Variants in CPNE8 observed in about 807,000 individuals in gnomAD.
The protein encoded by CPNE8 is copine-8.
In CPNE8, 45 loss-of-function variants were observed where a neutral mutation model predicts 81.5. That is an observed-to-expected ratio of 0.55 (90% confidence interval 0.44 to 0.71). The LOEUF (loss-of-function observed/expected upper bound fraction) is 0.71. Among genes scored for constraint, CPNE8 ranks in the 30% least tolerant of loss-of-function variants. The pLI, the probability that CPNE8 is intolerant of heterozygous loss-of-function variation, is 0.00. For synonymous variants in CPNE8, 252 were observed against 226.3 expected (o/e 1.11, Z -1.02); for missense variants, 594 against 672.1 (o/e 0.88, Z 1.28).
At chr12:38,688,230 CTT>C (rs1214573646) in intron 15 of CPNE8, among the ~76,000 whole-genome samples, 15 of 152,078 alleles carry the variant, frequency 9.9e-5, no homozygotes, top group African/African-American at 3.1e-4. Flanking sequence ...CCATTTTTCT[CTT>C]CTTTGAGAAT....
chr12:38,708,448 C>T (rs1227194526), intron 13 of CPNE8, among the ~76,000 whole-genome samples: 4 of 151,906 alleles, frequency 2.6e-5, no homozygotes, highest in African/African-American at 4.8e-5. Context: ...TTTAAATCCT[C>T]GAAACATTTT....
At chr12:38,879,217 G>A (rs1944112789) in intron 1 of CPNE8, among the ~76,000 whole-genome samples, 1 of 152,168 alleles carries the variant, frequency 6.6e-6, no homozygotes. Flanking sequence ...CAGCGGGGAG[G>A]AGCCTGGCCA....
intron 6 of CPNE8, among the ~76,000 whole-genome samples, chr12:38,811,218 T>TAA (rs139617113): frequency 1.9e-4 from 29 of 150,596 alleles, no homozygotes; most frequent in Non-Finnish European, 3.5e-4. Context: ...ATTGCGTATA[T>TAA]AAAAAAAAAC....
chr12:38,805,712 A>G (rs1036023165), intron 6 of CPNE8, among the ~76,000 whole-genome samples: 2 of 148,200 alleles, frequency 1.3e-5, no homozygotes, highest in African/African-American at 4.9e-5. Flanking sequence ...AGCAAGAGCA[A>G]ACACATTCAA....
chr12:38,829,898 C>T (rs1257418578), intron 5 of CPNE8, among the ~76,000 whole-genome samples: 1 of 152,192 alleles, frequency 6.6e-6, no homozygotes, highest in Non-Finnish European at 1.5e-5. Flanking sequence ...CTAGGGTCCA[C>T]AGCCAACCTG....
At position 38,686,081 on chromosome 12, in the gene CPNE8, G is replaced by T. The variant is rs1471738590; in HGVS notation, c.1144-464C>A. Among the ~76,000 whole-genome samples, 3 of 152,176 alleles carry T rather than the reference G, an allele frequency of 2.0e-5. No individual in the cohort carries two copies. In the South Asian group the frequency reaches 6.2e-4, roughly 32 times the overall value. ...TATTCTCTATTTTTCCAATTTTTCT[G>T]CAGTGAACATGTATTAAAATTAGAA... On this transcript the variant is annotated intron_variant, in intron 15 of 19. Transcript: ENST00000331366.
At chr12:38,679,508 T>C (rs1335664892) in intron 16 of CPNE8, 1 of 742,612 alleles carries the variant, frequency 1.3e-6, no homozygotes, top group African/African-American at 1.9e-5. Context: ...ATTAAAGCTG[T>C]AGAAAGTTGC....
intron 1 of CPNE8, among the ~76,000 whole-genome samples, chr12:38,878,977 A>G (rs1337484671): frequency 6.6e-6 from 1 of 152,232 alleles, no homozygotes; most frequent in Non-Finnish European, 1.5e-5. Context: ...AAATTGATTC[A>G]GCTACGACAA....
chr12:38,856,959 C>G (rs1178198405), intron 3 of CPNE8, among the ~76,000 whole-genome samples: 1 of 151,428 alleles, frequency 6.6e-6, no homozygotes, highest in Non-Finnish European at 1.5e-5. Flanking sequence ...CTATGAGTAT[C>G]AGGGTTTTTT....
chr12:38,794,604 C>G (rs537115495), intron 6 of CPNE8, among the ~76,000 whole-genome samples: 1 of 151,532 alleles, frequency 6.6e-6, no homozygotes, highest in Non-Finnish European at 1.5e-5. Context: ...AATTAAATAT[C>G]ACCTCATAGC....
chr12:38,769,752 G>C (rs1941763616), intron 7 of CPNE8, among the ~76,000 whole-genome samples: 1 of 151,954 alleles, frequency 6.6e-6, no homozygotes, highest in South Asian at 2.1e-4. Flanking sequence ...AAACATCAGA[G>C]GTGTATTATT....
chr12:38,790,729 T>G (rs1172087554), intron 6 of CPNE8, among the ~76,000 whole-genome samples: 1 of 151,628 alleles, frequency 6.6e-6, no homozygotes, highest in Non-Finnish European at 1.5e-5. Flanking sequence ...TATATACCAC[T>G]ATGTACCCAC....
chr12:38,722,491 C>T (rs1940590594), intron 13 of CPNE8, among the ~76,000 whole-genome samples: 1 of 152,174 alleles, frequency 6.6e-6, no homozygotes, highest in Non-Finnish European at 1.5e-5. Flanking sequence ...GGTCCCCCCA[C>T]TCCCTCAACC....
chr12:38,903,348 ATCTT>A (rs765950380), intron 1 of CPNE8, among the ~76,000 whole-genome samples: 5 of 152,146 alleles, frequency 3.3e-5, no homozygotes, highest in African/African-American at 7.2e-5. Flanking sequence ...CCTGTTAGAA[ATCTT>A]AAAAATTAAA....
chr12:38,879,010 C>G (rs1944108359), intron 1 of CPNE8, among the ~76,000 whole-genome samples: 1 of 152,122 alleles, frequency 6.6e-6, no homozygotes, highest in African/African-American at 2.4e-5. Context: ...AAGCCAGGTA[C>G]AGTAATTAGT....
intron 1 of CPNE8, among the ~76,000 whole-genome samples, chr12:38,875,403 G>A (rs1450707731): frequency 6.6e-6 from 1 of 152,168 alleles, no homozygotes; most frequent in South Asian, 2.1e-4. Context: ...ATGATGACTT[G>A]AGGGTTCTAA....
chr12:38,884,367 T>C (rs145544870), intron 1 of CPNE8, among the ~76,000 whole-genome samples: 18 of 152,374 alleles, frequency 1.2e-4, no homozygotes, highest in African/African-American at 4.3e-4. Flanking sequence ...TTGTAGTATC[T>C]GTCAGTACTT....
intron 19 of CPNE8, among the ~76,000 whole-genome samples, chr12:38,654,932 T>C (rs1183108521): frequency 6.6e-6 from 1 of 152,204 alleles, no homozygotes; most frequent in Non-Finnish European, 1.5e-5. Context: ...GCATGGACTA[T>C]GAATATAGAA....
intron 1 of CPNE8, among the ~76,000 whole-genome samples, chr12:38,878,359 C>G (rs968394483): frequency 6.6e-6 from 1 of 152,062 alleles, no homozygotes; most frequent in African/African-American, 2.4e-5. Flanking sequence ...GTGTATTTTG[C>G]GTGAAATGTA....
Sources: gnomAD v4.1 joint callset for allele counts (sites outside exome capture counted in the v4.1 genomes callset) on GRCh38, gnomAD v4.1.1 for gene constraint, MANE v1.5 for transcripts, NCBI Gene and HGNC (gene_info 2026-07-23, HGNC 2026-07-21) for gene names.